Variants in AGBL4 observed in about 807,000 individuals in gnomAD.
AGBL4 encodes the protein AGBL carboxypeptidase 4.
A neutral mutation model predicts 66.4 loss-of-function variants in AGBL4; 58 were observed. The ratio of observed to expected loss-of-function variants is 0.87; its 90% CI spans 0.71 to 1.09. AGBL4 has a LOEUF of 1.09. Among genes scored for constraint, AGBL4 ranks in the 50% least tolerant of loss-of-function variants. AGBL4 has a pLI of 0.00. For missense variants in AGBL4, 579 were observed against 631.0 expected (o/e 0.92, Z 0.88); for synonymous variants, 234 against 222.9 (o/e 1.05, Z -0.44).
At chr1:48,729,059 C>T (rs1398226224) in intron 6 of AGBL4, among the ~76,000 whole-genome samples, 1 of 152,220 alleles carries the variant, frequency 6.6e-6, no homozygotes, top group African/African-American at 2.4e-5. Context: ...GTGCAACTCA[C>T]TGCCCTAGAT....
intron 4 of AGBL4, among the ~76,000 whole-genome samples, chr1:49,128,074 C>G (rs1337539768): frequency 6.6e-6 from 1 of 151,764 alleles, no homozygotes; most frequent in Non-Finnish European, 1.5e-5. Flanking sequence ...ATAATTATGT[C>G]AGGTATTTAA....
intron 4 of AGBL4, among the ~76,000 whole-genome samples, chr1:49,188,959 C>T (rs1417465249): frequency 1.3e-5 from 2 of 152,160 alleles, no homozygotes; most frequent in Non-Finnish European, 2.9e-5. Context: ...GATCAACTGG[C>T]AGTTGCTTTC....
chr1:49,651,765 C>T (rs1351167712), intron 3 of AGBL4, among the ~76,000 whole-genome samples: 2 of 151,986 alleles, frequency 1.3e-5, no homozygotes, highest in Non-Finnish European at 2.9e-5. Context: ...CTTCTTGAGA[C>T]GAGAAGGAAT....
chr1:48,722,819 T>G (rs1046531379), intron 6 of AGBL4, among the ~76,000 whole-genome samples: 2 of 152,126 alleles, frequency 1.3e-5, no homozygotes, highest in Admixed American at 1.3e-4. Flanking sequence ...CCATGTCCAG[T>G]CCTGAGTCTC....
At chr1:48,556,871 C>T (rs1233218313) in intron 11 of AGBL4, among the ~76,000 whole-genome samples, 1 of 152,172 alleles carries the variant, frequency 6.6e-6, no homozygotes, top group Non-Finnish European at 1.5e-5. Context: ...TCACTGCAAC[C>T]TCCCACCTCC....
intron 5 of AGBL4, among the ~76,000 whole-genome samples, chr1:48,877,362 G>A (rs879342758): frequency 3.9e-5 from 6 of 152,020 alleles, no homozygotes; most frequent in Non-Finnish European, 7.4e-5. Context: ...GGTAATTAAC[G>A]TAGATATAAT....
intron 5 of AGBL4, among the ~76,000 whole-genome samples, chr1:48,994,465 A>G (rs1298765736): frequency 9.2e-5 from 14 of 152,182 alleles, no homozygotes; most frequent in Admixed American, 9.2e-4. Context: ...ATGCACAGGC[A>G]GGTTATCTTG....
intron 3 of AGBL4, among the ~76,000 whole-genome samples, chr1:49,291,617 A>C (rs1644534913): frequency 6.6e-6 from 1 of 152,230 alleles, no homozygotes; most frequent in Non-Finnish European, 1.5e-5. Flanking sequence ...GAGTTGATAG[A>C]ATATCTTGCA....
chr1:49,001,372 T>C (rs1185426799), intron 5 of AGBL4, among the ~76,000 whole-genome samples: 1 of 152,206 alleles, frequency 6.6e-6, no homozygotes, highest in Non-Finnish European at 1.5e-5. Flanking sequence ...GTTCTTAACT[T>C]CTGTTTGTTG....
intron 3 of AGBL4, among the ~76,000 whole-genome samples, chr1:49,578,948 A>G (rs1206039349): frequency 1.3e-5 from 2 of 152,208 alleles, no homozygotes; most frequent in Non-Finnish European, 2.9e-5. Context: ...GAGGGTTGGG[A>G]AAGTCATACC....
Position 49,333,333 on chromosome 1 carries a change from C to T in AGBL4, c.283-87469G>A, listed in dbSNP as rs183501575. ...TCTCTATTAAAAATACAAAAATTAC[C>T]TGGGCGTGGTGGCGCATGCCTGTAA... is the stretch of plus-strand genomic sequence containing the variant. On this transcript the variant is annotated intron_variant, in intron 3 of 13. Coordinates refer to ENST00000371839, the MANE Select transcript of AGBL4 (RefSeq NM_032785.4). Among the ~76,000 whole-genome samples, 1,203 of 152,170 alleles carry T rather than the reference C, an allele frequency of 7.9e-3. 7 individuals are homozygous for T. Among genetic ancestry groups the T allele is most frequent in the Non-Finnish European group, 0.012 (783 of 68,014 alleles).
chr1:48,904,963 T>C (rs534287446), intron 5 of AGBL4, among the ~76,000 whole-genome samples: 348 of 152,244 alleles, frequency 2.3e-3, no homozygotes, highest in African/African-American at 7.8e-3. Context: ...CACTCTCCAA[T>C]AATAAATGTG....
At chr1:48,742,758 A>T in intron 6 of AGBL4, 21 of 1,601,378 alleles carry the variant, frequency 1.3e-5, no homozygotes, top group Non-Finnish European at 1.8e-5. Flanking sequence ...CTTTTTCCAG[A>T]TCAATGGCGG....
chr1:48,880,059 C>T (rs1397742026), intron 5 of AGBL4, among the ~76,000 whole-genome samples: 2 of 152,088 alleles, frequency 1.3e-5, no homozygotes. Context: ...TTTGGTGCAC[C>T]CACCACCTGA....
intron 3 of AGBL4, among the ~76,000 whole-genome samples, chr1:49,496,307 G>A (rs1458075754): frequency 1.3e-5 from 2 of 151,586 alleles, no homozygotes; most frequent in African/African-American, 4.8e-5. Flanking sequence ...ATGATTTTTT[G>A]AAATATGTAT....
intron 3 of AGBL4, among the ~76,000 whole-genome samples, chr1:49,538,604 G>T (rs1203037209): frequency 1.3e-5 from 2 of 152,148 alleles, no homozygotes; most frequent in Non-Finnish European, 2.9e-5. Flanking sequence ...CACAAAGACT[G>T]AAATACGCTG....
At chr1:49,535,809 A>C (rs1651529486) in intron 3 of AGBL4, among the ~76,000 whole-genome samples, 1 of 152,094 alleles carries the variant, frequency 6.6e-6, no homozygotes, top group African/African-American at 2.4e-5. Flanking sequence ...CTCCTGCCTC[A>C]GCCTCCCAAG....
chr1:49,212,396 T>C (rs1458921234), intron 4 of AGBL4, among the ~76,000 whole-genome samples: 1 of 152,130 alleles, frequency 6.6e-6, no homozygotes. Flanking sequence ...TTGAATAAGC[T>C]ATTACACCAG....
rs541591151 is a variant in AGBL4, at chr1:49,737,797, C to A, written c.158-40360G>T. ...AAGAAAAGACTTTCAACTCAGAATT[C>A]CATTAGCAAAACTTACCATCAAAAC... is the stretch of plus-strand genomic sequence containing the variant. On this transcript the variant is annotated intron_variant, in intron 2 of 13. Transcript: ENST00000371839. 3.9e-5 allele frequency among the ~76,000 whole-genome samples: 6 copies of A among 152,320 alleles called. No homozygotes were observed. In the South Asian group the frequency reaches 1.2e-3, roughly 32 times the overall value.
Sources: allele counts gnomAD v4.1 joint callset (sites outside exome capture counted in the v4.1 genomes callset), GRCh38; gene constraint gnomAD v4.1.1; transcripts MANE v1.5; gene names NCBI Gene and HGNC (gene_info 2026-07-23, HGNC 2026-07-21).